The following PLEKHH1 variants were observed in gnomAD, a reference collection of about 807,000 sequenced individuals.
The protein encoded by PLEKHH1 is pleckstrin homology, MyTH4 and FERM domain containing H1.
Under a neutral mutation model 160.0 loss-of-function variants are expected in PLEKHH1, and 104 were observed. That is an observed-to-expected ratio of 0.65 (90% CI 0.55 to 0.76). PLEKHH1 has a LOEUF of 0.76. Among genes scored for constraint, PLEKHH1 ranks in the 30% least tolerant of loss-of-function variants. PLEKHH1 has a pLI of 0.00. For missense variants in PLEKHH1, 1,427 were observed against 1,724.1 expected (o/e 0.83, Z 3.05); for synonymous variants, 619 against 678.4 (o/e 0.91, Z 1.36).
chr14:67,559,507 C>G, intron 4 of PLEKHH1, 101 bp from the exon 5 acceptor site: 2 of 732,152 alleles, frequency 2.7e-6, no homozygotes, highest in Admixed American at 4.3e-5. Flanking sequence ...TTTGCGAGGT[C>G]AGTGGCACGC....
chr14:67,570,703 G>A (rs561220170), intron 9 of PLEKHH1: 1 of 152,300 alleles, frequency 6.6e-6, no homozygotes, highest in South Asian at 2.1e-4. Flanking sequence ...ATAACCACGT[G>A]TCAGGTCATC....
intron 2 of PLEKHH1, among the ~76,000 whole-genome samples, chr14:67,542,846 A>G (rs1311519390): frequency 6.6e-6 from 1 of 152,102 alleles, no homozygotes. Context: ...GACTACAGGC[A>G]TGCACCACCA....
chr14:67,585,942 T>C lies in PLEKHH1; in HGVS notation c.3787-9T>C. 8 of 1,608,762 alleles carry C rather than the reference T, an allele frequency of 5.0e-6. No homozygotes were observed. The highest frequency in any genetic ancestry group is 6.8e-6 in the Non-Finnish European group (8 of 1,177,660). The stretch of plus-strand genomic sequence containing the variant: ...AGTTTCCCCACAACTGACTGGTTCC[T>C]TTCCACAGCAAGTGCACATCACTTA... On this transcript the variant is annotated splice_polypyrimidine_tract_variant and intron_variant, in intron 27 of 28. Coordinates refer to ENST00000329153, the MANE Select transcript of PLEKHH1 (RefSeq NM_020715.3).
intron 1 of PLEKHH1, among the ~76,000 whole-genome samples, chr14:67,539,400 CAT>C (rs1362500339): frequency 2.3e-4 from 35 of 152,152 alleles, no homozygotes; most frequent in Admixed American, 1.9e-3. Context: ...GCGCTGAAGT[CAT>C]GTGTTCTGAG....
intron 18 of PLEKHH1, 75 bp downstream of exon 18, chr14:67,577,489 G>C: frequency 1.1e-6 from 1 of 944,550 alleles, no homozygotes; most frequent in South Asian, 1.4e-5. Flanking sequence ...GTGCAGTTGG[G>C]GACAACCCAC....
intron 2 of PLEKHH1, among the ~76,000 whole-genome samples, chr14:67,552,538 T>C (rs7154636): frequency 0.63 from 96,250 of 151,880 alleles, 30,666 homozygotes; most frequent in Non-Finnish European, 0.65. Context: ...GAGGCCGAGG[T>C]GGGCGGATCA....
At chr14:67,579,578 C>A (rs922141927) in intron 21 of PLEKHH1, 143 bp from the exon 22 acceptor site, 1 of 799,612 alleles carries the variant, frequency 1.3e-6, no homozygotes, top group African/African-American at 1.7e-5. Context: ...GGCCCTTTGC[C>A]TGTGAACACA....
At chr14:67,568,656 C>T (rs1297133482) in intron 7 of PLEKHH1, among the ~76,000 whole-genome samples, 1 of 151,954 alleles carries the variant, frequency 6.6e-6, no homozygotes, top group Non-Finnish European at 1.5e-5. Context: ...AAAAATGTGC[C>T]CTAAGTTCCA....
chr14:67,577,982 G>A, intron 18 of PLEKHH1, 41 bp from the exon 19 acceptor site: 1 of 1,583,678 alleles, frequency 6.3e-7, no homozygotes, highest in Non-Finnish European at 8.6e-7. Flanking sequence ...CTGAACCCAG[G>A]GGATGCTGGT....
In PLEKHH1 at chr14:67,582,392, A is replaced by T; in HGVS notation, c.3426+182A>T. On this transcript the variant is annotated intron_variant, in intron 24 of 28. Transcript: ENST00000329153. This position sits in a 1 kb window ranked among gnomAD's most constrained non-coding sequence, Gnocchi z 5.0. ...TCAGAGCTCCTCACTCACCGCAGATATAGGATGCGTGCAGATGGCTGGACT... is the reference window on the plus strand; with the variant it reads ...TCAGAGCTCCTCACTCACCGCAGATTTAGGATGCGTGCAGATGGCTGGACT... 1 of 1,033,424 alleles carries T rather than the reference A, an allele frequency of 9.7e-7. No individual in the cohort carries two copies. Among genetic ancestry groups the T allele is most frequent in the Non-Finnish European group, 1.4e-6 (1 of 709,438 alleles). 64.0% of individuals were successfully genotyped at this position (1,033,424 alleles called of 1,614,324 possible). A position where few individuals can be genotyped will look rare whatever the true frequency, so the allele number is the denominator to read the frequency against.
chr14:67,565,700 T>C (rs1056050511), intron 7 of PLEKHH1, among the ~76,000 whole-genome samples: 1 of 152,138 alleles, frequency 6.6e-6, no homozygotes, highest in African/African-American at 2.4e-5. Flanking sequence ...CAGCTAAGCG[T>C]TGGCTCCTGG....
intron 2 of PLEKHH1, among the ~76,000 whole-genome samples, chr14:67,551,340 G>A (rs1464887301): frequency 1.3e-5 from 2 of 152,136 alleles, no homozygotes; most frequent in Non-Finnish European, 2.9e-5. Context: ...CTTTGTATAG[G>A]ACAAAAGCCA....
chr14:67,569,136 A>C lies in PLEKHH1; in HGVS notation c.1264-2A>C. Reference sequence around the variant, plus strand: ...TGAGCTTCCTGAGACCTCTTGTTTCAGGAGAGCCGGATCTATGCTGTGGCC... The same window carrying C: ...TGAGCTTCCTGAGACCTCTTGTTTCCGGAGAGCCGGATCTATGCTGTGGCC... On this transcript the variant is annotated splice_acceptor_variant, in intron 7 of 28. Coordinates refer to ENST00000329153, the MANE Select transcript of PLEKHH1 (RefSeq NM_020715.3). LOFTEE classifies it high-confidence loss of function. The C allele has an allele frequency of 6.2e-7, 1 of 1,608,002 alleles. No homozygotes were observed. Among genetic ancestry groups the C allele is most frequent in the South Asian group, 1.1e-5 (1 of 90,894 alleles).
In PLEKHH1 at chr14:67,541,863, C is replaced by A. The variant is rs1460225873; in HGVS notation, c.-5C>A. On this transcript the variant is annotated 5_prime_UTR_variant, in exon 2 of 29. Coordinates refer to ENST00000329153, the MANE Select transcript of PLEKHH1 (RefSeq NM_020715.3). ...CCCCAGAATAATCCAGAAGTCGATT[C>A]CATCATGGCAGAACTCAAGGTGGAG... The A allele has an allele frequency of 6.3e-7, 1 of 1,590,784 alleles. No individual in the cohort carries two copies. Among genetic ancestry groups the A allele is most frequent in the Admixed American group, 1.8e-5 (1 of 56,068 alleles).
chr14:67,571,166 C>CAT (rs2035356332), intron 9 of PLEKHH1: 1 of 154,446 alleles, frequency 6.5e-6, no homozygotes, highest in African/African-American at 2.4e-5. Flanking sequence ...TCACTGTGCA[C>CAT]ATATATCTTT....
At chr14:67,572,046 C>G (rs1442724145) in intron 10 of PLEKHH1, 89 bp from the exon 11 acceptor site, 9 of 1,499,810 alleles carry the variant, frequency 6.0e-6, no homozygotes, top group Non-Finnish European at 8.1e-6. Flanking sequence ...GACCGGGTCC[C>G]GGGTGGGTGG....
chr14:67,572,260 G>T lies in PLEKHH1; in HGVS notation c.1711G>T (p.Gly571Trp), dbSNP rs751718827. ...LQRTSSYSTDGLGLGGESLEK... is the reference protein window; with the variant it reads ...LQRTSSYSTDWLGLGGESLEK... The stretch of plus-strand genomic sequence containing the variant: ...GCGCACCTCATCCTACTCCACCGAC[G>T]GGCTGGGCCTGGGCGGGGTGAGCCG... Residue 571 changes from glycine (G) to tryptophan (W), a missense_variant, in exon 11 of 29, where the codon GGG becomes TGG. By Grantham distance (184) the Gly-to-Trp change is radical. Coordinates refer to ENST00000329153, the MANE Select transcript of PLEKHH1 (RefSeq NM_020715.3). 1.9e-6 allele frequency: 3 copies of T among 1,602,994 alleles called. No homozygotes were observed. The highest frequency in any genetic ancestry group is 2.6e-6 in the Non-Finnish European group (3 of 1,176,394).
At position 67,585,606 on chromosome 14, in the gene PLEKHH1, G is replaced by T; in HGVS notation, c.3738G>T (p.Trp1246Cys). 1 of 1,585,530 alleles carries T rather than the reference G, an allele frequency of 6.3e-7. No individual in the cohort carries two copies. The highest frequency in any genetic ancestry group is 8.6e-7 in the Non-Finnish European group (1 of 1,164,894). The stretch of plus-strand genomic sequence containing the variant: ...CTTCCAAGGAGAACGCTCTGGTGTG[G>T]ATTGCTGTGAATGAGGATGGCGTCA... ...QLSSKENALV[W>C]IAVNEDGVSI... is the part of the protein sequence containing the mutation. Residue 1246 changes from tryptophan (W) to cysteine (C), a missense_variant, in exon 27 of 29, where the codon TGG becomes TGT. Trp to Cys is a radical substitution (Grantham distance 215). Transcript: ENST00000329153.
chr14:67,559,722 C>CAG, intron 5 of PLEKHH1, 31 bp downstream of exon 5: 1 of 1,471,450 alleles, frequency 6.8e-7, no homozygotes, highest in South Asian at 1.2e-5. Flanking sequence ...GGAGGCCTGC[C>CAG]AGAGGCATGG....
Sources: allele counts gnomAD v4.1 joint callset (sites outside exome capture counted in the v4.1 genomes callset), GRCh38; gene constraint gnomAD v4.1.1; non-coding constraint Gnocchi (gnomAD v3.1); transcripts MANE v1.5; gene names NCBI Gene and HGNC (gene_info 2026-07-23, HGNC 2026-07-21).